The following DCC variants were observed in gnomAD, a reference collection of about 807,000 sequenced individuals.
The protein encoded by DCC is DCC netrin 1 receptor, also known as netrin receptor DCC.
DCC carries 58 observed loss-of-function variants against 172.5 expected under a neutral mutation model. The observed-to-expected ratio is 0.34, with a 90% CI of 0.27 to 0.42. DCC has a LOEUF of 0.42. Ranked by LOEUF, DCC falls within the 10% of genes least tolerant of loss-of-function variation. DCC has a pLI of 1.00. For missense variants in DCC, 1,740 were observed against 1,791.0 expected (o/e 0.97, Z 0.51); for synonymous variants, 709 against 644.5 (o/e 1.10, Z -1.52).
chr18:53,458,283 A>G (rs1218990849), intron 23 of DCC, among the ~76,000 whole-genome samples: 1 of 152,248 alleles, frequency 6.6e-6, no homozygotes, highest in Non-Finnish European at 1.5e-5. Context: ...AAAAGGACCA[A>G]ATAATACATG....
intron 2 of DCC, among the ~76,000 whole-genome samples, chr18:52,884,522 TC>T (rs1187524183): frequency 6.6e-6 from 1 of 152,176 alleles, no homozygotes; most frequent in Non-Finnish European, 1.5e-5. Context: ...ATTTTTCATT[TC>T]CAGAATTTCT....
chr18:52,656,282 G>C (rs556523995), intron 1 of DCC, among the ~76,000 whole-genome samples: 6 of 151,590 alleles, frequency 4.0e-5, no homozygotes, highest in Non-Finnish European at 7.4e-5. Flanking sequence ...AATATGATTC[G>C]TGCCCTTATA....
chr18:52,972,697 A>G (rs548839083), intron 5 of DCC, among the ~76,000 whole-genome samples: 5 of 152,200 alleles, frequency 3.3e-5, no homozygotes, highest in Non-Finnish European at 7.3e-5. Flanking sequence ...CTTCTTTGCT[A>G]TGTTAGCACA....
At chr18:53,225,055 G>A (rs1367638) in intron 12 of DCC, among the ~76,000 whole-genome samples, 2 of 151,898 alleles carry the variant, frequency 1.3e-5, no homozygotes, top group African/African-American at 2.4e-5. Context: ...AAAAGAGGAA[G>A]GGTGATTTCA....
chr18:52,382,469 A>G (rs1363549157), intron 1 of DCC, among the ~76,000 whole-genome samples: 1 of 152,198 alleles, frequency 6.6e-6, no homozygotes, highest in Non-Finnish European at 1.5e-5. Context: ...TTTCCATTTT[A>G]TAGAGAACAT....
At chr18:52,594,725 G>C (rs1236137475) in intron 1 of DCC, among the ~76,000 whole-genome samples, 1 of 152,112 alleles carries the variant, frequency 6.6e-6, no homozygotes, top group Non-Finnish European at 1.5e-5. Flanking sequence ...AAGATGAAGT[G>C]GGAGCAGGCA....
Position 52,906,193 on chromosome 18 carries a change from C to A in DCC, c.562C>A (p.Arg188=), listed in dbSNP as rs2039879115. The change falls in exon 3 of 29, where the codon CGA becomes AGA. Residue 188 remains arginine, a synonymous_variant. Transcript: ENST00000442544. ...QDLTPIPGDS[R]VVVLPSGALQ... is the part of the protein sequence containing the mutation. ...CCTGACTCCAATCCCAGGTGACTCC[C>A]GAGTGGTGGTCTTGCCCTCTGGAGC... 1 of 1,614,050 alleles carries A rather than the reference C, an allele frequency of 6.2e-7. No homozygotes were observed. The highest frequency in any genetic ancestry group is 2.2e-5 in the East Asian group (1 of 44,830).
intron 15 of DCC, among the ~76,000 whole-genome samples, chr18:53,382,104 A>ACACC (rs770734401): frequency 1.1e-4 from 6 of 52,952 alleles, no homozygotes; most frequent in East Asian, 3.5e-4. Flanking sequence ...ACACACACAC[A>ACACC]CCCCTACCTC....
intron 2 of DCC, among the ~76,000 whole-genome samples, chr18:52,845,030 A>G (rs1227234777): frequency 6.6e-6 from 1 of 152,238 alleles, no homozygotes. Flanking sequence ...TCCAAGAGGT[A>G]TTCATCTGTG....
intron 1 of DCC, among the ~76,000 whole-genome samples, chr18:52,608,366 C>CAG (rs1174990075): frequency 6.6e-6 from 1 of 152,084 alleles, no homozygotes; most frequent in Non-Finnish European, 1.5e-5. Flanking sequence ...GAAAGAGAAG[C>CAG]AGAGAGAGGA....
At chr18:53,149,795 C>T (rs1293819580) in intron 7 of DCC, among the ~76,000 whole-genome samples, 1 of 152,176 alleles carries the variant, frequency 6.6e-6, no homozygotes, top group Non-Finnish European at 1.5e-5. Context: ...GATGAAAATA[C>T]TTCCCGAAAT....
intron 2 of DCC, among the ~76,000 whole-genome samples, chr18:52,764,125 G>A (rs531475999): frequency 1.2e-4 from 19 of 152,296 alleles, no homozygotes; most frequent in Non-Finnish European, 1.9e-4. Flanking sequence ...ATATTCAAGA[G>A]CATTTTATTA....
chr18:53,506,831 C>T (rs1199907019), intron 27 of DCC, among the ~76,000 whole-genome samples: 1 of 146,036 alleles, frequency 6.8e-6, no homozygotes, highest in Non-Finnish European at 1.5e-5. Flanking sequence ...GCACTCCAGT[C>T]TGGGTGACAG....
intron 9 of DCC, among the ~76,000 whole-genome samples, chr18:53,187,636 G>A (rs993614379): frequency 1.3e-5 from 2 of 152,054 alleles, no homozygotes; most frequent in Non-Finnish European, 2.9e-5. Context: ...TCTTTTAACT[G>A]CAGGTTATAT....
At chr18:53,406,568 A>G (rs1381922170) in intron 19 of DCC, among the ~76,000 whole-genome samples, 8 of 151,896 alleles carry the variant, frequency 5.3e-5, no homozygotes. Flanking sequence ...GCCAGACATG[A>G]TAGCAGATGC....
intron 1 of DCC, among the ~76,000 whole-genome samples, chr18:52,497,657 G>T (rs2030855862): frequency 6.6e-6 from 1 of 152,014 alleles, no homozygotes; most frequent in Non-Finnish European, 1.5e-5. Flanking sequence ...TGCTGCTTAT[G>T]TAATCGACAA....
At chr18:52,878,284 A>G (rs2039431551) in intron 2 of DCC, among the ~76,000 whole-genome samples, 1 of 152,056 alleles carries the variant, frequency 6.6e-6, no homozygotes, top group East Asian at 1.9e-4. Flanking sequence ...CTTTCAAGAA[A>G]CCCTACTTTA....
intron 13 of DCC, among the ~76,000 whole-genome samples, chr18:53,306,889 G>A (rs1185854380): frequency 2.0e-5 from 3 of 152,122 alleles, no homozygotes; most frequent in African/African-American, 7.2e-5. Context: ...ACTGGGTCAG[G>A]ACAACATACA....
chr18:52,878,354 T>C (rs1037371462), intron 2 of DCC, among the ~76,000 whole-genome samples: 2 of 152,108 alleles, frequency 1.3e-5, no homozygotes, highest in Non-Finnish European at 2.9e-5. Context: ...CAACTCACTT[T>C]CTCCCTTGGA....
Sources: gnomAD v4.1 joint callset for allele counts (sites outside exome capture counted in the v4.1 genomes callset) on GRCh38, gnomAD v4.1.1 for gene constraint, MANE v1.5 for transcripts, NCBI Gene and HGNC (gene_info 2026-07-23, HGNC 2026-07-21) for gene names.